SORBS2: variants seen among roughly 807,000 people sequenced by gnomAD.
SORBS2 encodes the protein sorbin and SH3 domain containing 2, also known as sorbin and SH3 domain-containing protein 2.
A neutral mutation model predicts 97.7 loss-of-function variants in SORBS2; 46 were observed. That is an observed-to-expected ratio of 0.47 (90% confidence interval 0.37 to 0.60). The LOEUF is 0.60. SORBS2 is among the 20% of genes least tolerant of loss of function. SORBS2 has a pLI of 0.00. For synonymous variants in SORBS2, 476 were observed against 473.4 expected (o/e 1.01, Z -0.07); for missense variants, 1,316 against 1,282.3 (o/e 1.03, Z -0.40).
intron 12 of SORBS2, among the ~76,000 whole-genome samples, chr4:185,595,858 T>G (rs1177721912): frequency 6.6e-6 from 1 of 152,122 alleles, no homozygotes. Context: ...TAGAATATAT[T>G]CCCAGGAGTA....
chr4:185,623,866 G>C lies in SORBS2; in HGVS notation c.1263C>G (p.Ile421Met). The change falls in exon 7 of 15, where the codon ATC becomes ATG. Residue 421 changes from isoleucine to methionine, a missense_variant. Physicochemically the swap from Ile to Met is conservative, Grantham distance 10 (BLOSUM62 1). Coordinates refer to ENST00000418609, the Ensembl canonical transcript of SORBS2. The surrounding 1 kb of genome is among the most constrained non-coding windows in gnomAD (Gnocchi z 6.4). ...AATTTGGCATGGATTTGGACTTCTG[G>C]ATCAGCTTTTCGAATTCGGAGATGC... 6.2e-7 allele frequency: 1 copy of C among 1,614,164 alleles called. No individual in the cohort carries two copies. Among genetic ancestry groups the C allele is most frequent in the Non-Finnish European group, 8.5e-7 (1 of 1,180,026 alleles).
intron 1 of SORBS2, among the ~76,000 whole-genome samples, chr4:185,908,952 T>A (rs532242630): frequency 6.6e-6 from 1 of 151,652 alleles, no homozygotes; most frequent in African/African-American, 2.4e-5. Flanking sequence ...TGTATATTTA[T>A]ATAAATTCAA....
chr4:185,823,645 A>G (rs1469590238), intron 1 of SORBS2, among the ~76,000 whole-genome samples: 2 of 149,482 alleles, frequency 1.3e-5, no homozygotes, highest in Non-Finnish European at 3.0e-5. Flanking sequence ...GATGAATATT[A>G]AAAAAAATTC....
chr4:185,884,541 T>C (rs1291134346), intron 1 of SORBS2, among the ~76,000 whole-genome samples: 1 of 152,128 alleles, frequency 6.6e-6, no homozygotes, highest in Non-Finnish European at 1.5e-5. Flanking sequence ...ACAAAAGAAA[T>C]CCGGAATGGC....
chr4:185,866,560 G>A (rs1278989604), intron 1 of SORBS2, among the ~76,000 whole-genome samples: 2 of 152,096 alleles, frequency 1.3e-5, no homozygotes, highest in African/African-American at 2.4e-5. Flanking sequence ...AGGTAATAAC[G>A]GATTCGCTTG....
chr4:185,793,938 G>A (rs969947431), intron 1 of SORBS2, among the ~76,000 whole-genome samples: 24 of 152,284 alleles, frequency 1.6e-4, no homozygotes, highest in African/African-American at 3.6e-4. Context: ...CTTGGTCCCC[G>A]CAGGCTCCTG....
chr4:185,600,098 C>T lies in SORBS2; in HGVS notation c.2797-6163G>A, dbSNP rs2096224895. Among the ~76,000 whole-genome samples the T allele has an allele frequency of 2.0e-5, 3 of 152,230 alleles. No individual in the cohort carries two copies. In the South Asian group the frequency reaches 6.2e-4, roughly 31 times the overall value. ...AGTTAGTTAGCTCTCATCTTCGTCA[C>T]ACAGACTTCAGGAGGAGCTTTCCTG... is the stretch of plus-strand genomic sequence containing the variant. On this transcript the variant is annotated intron_variant, in intron 12 of 14. Transcript: ENST00000418609.
rs139864097 is a variant in SORBS2 at position 185,675,969 on chromosome 4, A to G, written c.-46+2454T>C. On this transcript the variant is annotated intron_variant, in intron 4 of 20. Coordinates refer to the SORBS2 transcript ENST00000284776. ...GTTATCTTTTGGAGATTTTCTGTACAGTTTAAAAGTATATCTCCTCGAGGA... is the reference window on the plus strand; with the variant it reads ...GTTATCTTTTGGAGATTTTCTGTACGGTTTAAAAGTATATCTCCTCGAGGA... 5.3e-3 allele frequency among the ~76,000 whole-genome samples: 802 copies of G among 152,292 alleles called. 7 individuals carry two copies. The highest frequency in any genetic ancestry group is 0.018 in the African/African-American group (736 of 41,556).
At chr4:185,749,070 T>C (rs2098782891) in intron 2 of SORBS2, among the ~76,000 whole-genome samples, 1 of 152,220 alleles carries the variant, frequency 6.6e-6, no homozygotes, top group Non-Finnish European at 1.5e-5. Context: ...AAAAAGATTA[T>C]AGCAAGAACC....
intron 2 of SORBS2, among the ~76,000 whole-genome samples, chr4:185,767,448 C>G (rs1478143929): frequency 3.7e-5 from 5 of 133,792 alleles, no homozygotes; most frequent in Non-Finnish European, 6.2e-5. Context: ...TGCAGTGAGC[C>G]GAGATCGCGC....
At chr4:185,709,412 C>T (rs1032824088) in intron 2 of SORBS2, among the ~76,000 whole-genome samples, 2 of 148,782 alleles carry the variant, frequency 1.3e-5, no homozygotes, top group Non-Finnish European at 3.0e-5. Context: ...AAAGACTAAT[C>T]TTTTTTATTA....
intron 1 of SORBS2, among the ~76,000 whole-genome samples, chr4:185,824,146 C>G (rs917976733): frequency 6.6e-6 from 1 of 152,118 alleles, no homozygotes; most frequent in African/African-American, 2.4e-5. Context: ...TACTGGAGGC[C>G]AGAAGTCAGC....
intron 2 of SORBS2, among the ~76,000 whole-genome samples, chr4:185,699,284 CTTT>C (rs11435144): frequency 8.9e-6 from 1 of 112,568 alleles, no homozygotes; most frequent in Non-Finnish European, 1.7e-5. Context: ...TGAAATGTAC[CTTT>C]TTTTTTTTTT....
intron 4 of SORBS2, among the ~76,000 whole-genome samples, chr4:185,670,923 C>T (rs1269857239): frequency 6.6e-6 from 1 of 152,152 alleles, no homozygotes; most frequent in Non-Finnish European, 1.5e-5. Context: ...ACACTGAATG[C>T]CCCTCAGGTA....
At chr4:185,942,812 T>G (rs1409471321) in intron 1 of SORBS2, among the ~76,000 whole-genome samples, 1 of 152,220 alleles carries the variant, frequency 6.6e-6, no homozygotes, top group Non-Finnish European at 1.5e-5. Flanking sequence ...CATGTATGTC[T>G]TATATTAGAT....
intron 2 of SORBS2, among the ~76,000 whole-genome samples, chr4:185,737,980 C>T (rs547284589): frequency 6.6e-6 from 1 of 152,314 alleles, no homozygotes; most frequent in East Asian, 1.9e-4. Flanking sequence ...AGCCACACTG[C>T]TTCGTGAAAC....
chr4:185,814,645 C>G (rs753623336), intron 1 of SORBS2, among the ~76,000 whole-genome samples: 5 of 152,224 alleles, frequency 3.3e-5, no homozygotes, highest in African/African-American at 1.2e-4. Context: ...TCTCCTCCTC[C>G]CCTATACCTC....
At chr4:185,933,390 A>G (rs949770561) in intron 1 of SORBS2, 1 of 152,166 alleles carries the variant, frequency 6.6e-6, no homozygotes, top group Non-Finnish European at 1.5e-5. Flanking sequence ...GTGATAACAA[A>G]GTACCACAGA....
intron 1 of SORBS2, among the ~76,000 whole-genome samples, chr4:185,825,262 A>G (rs1417415388): frequency 8.8e-6 from 1 of 114,242 alleles, no homozygotes; most frequent in African/African-American, 3.2e-5. Context: ...AAACAGTGCA[A>G]TAACAGTCAA....
Sources: gnomAD v4.1 joint callset for allele counts (sites outside exome capture counted in the v4.1 genomes callset) on GRCh38, gnomAD v4.1.1 for gene constraint, Gnocchi (gnomAD v3.1) non-coding constraint, MANE v1.5 for transcripts, NCBI Gene and HGNC (gene_info 2026-07-23, HGNC 2026-07-21) for gene names.